Variants in PPP6R3 observed in about 807,000 individuals in gnomAD.
The protein encoded by PPP6R3 is protein phosphatase 6 regulatory subunit 3.
A neutral mutation model predicts 110.7 loss-of-function variants in PPP6R3; 38 were observed. That is an observed-to-expected ratio of 0.34 (90% CI 0.26 to 0.45). PPP6R3 has a LOEUF of 0.45. Ranked by LOEUF, PPP6R3 falls within the 20% of genes least tolerant of loss-of-function variation. The pLI is 1.00. For synonymous variants in PPP6R3, 369 were observed against 373.5 expected (o/e 0.99, Z 0.14); for missense variants, 870 against 1,062.4 (o/e 0.82, Z 2.52).
intron 18 of PPP6R3, among the ~76,000 whole-genome samples, chr11:68,594,707 T>A (rs2099608197): frequency 6.6e-6 from 1 of 152,188 alleles, no homozygotes; most frequent in Non-Finnish European, 1.5e-5. Flanking sequence ...CTTCCAGCCT[T>A]TTTTGTAGCT....
At chr11:68,563,134 CAT>C (rs2099432961) in intron 8 of PPP6R3, among the ~76,000 whole-genome samples, 1 of 148,958 alleles carries the variant, frequency 6.7e-6, no homozygotes. Flanking sequence ...GGCATGGTGA[CAT>C]GTGCCTGTAG....
chr11:68,518,612 A>C (rs952945222), intron 1 of PPP6R3, among the ~76,000 whole-genome samples: 5 of 152,164 alleles, frequency 3.3e-5, no homozygotes, highest in Non-Finnish European at 7.4e-5. Context: ...ATAGTCAAAA[A>C]CCACCTAACT....
intron 8 of PPP6R3, among the ~76,000 whole-genome samples, chr11:68,559,934 C>T (rs1276523600): frequency 7.1e-6 from 1 of 140,674 alleles, no homozygotes; most frequent in Non-Finnish European, 1.5e-5. Flanking sequence ...CCTCTTCTCA[C>T]CCCAGCGGTA....
chr11:68,567,047 G>C lies in PPP6R3; in HGVS notation c.1009G>C (p.Asp337His), dbSNP rs908176986. The stretch of plus-strand genomic sequence containing the variant: ...GATGAAGACCACATGGGGTGTGCTG[G>C]ATCCTCCTGTGGGGAATACCCGGTT... ...SVMKTTWGVL[D>H]PPVGNTRLNV... Residue 337 changes from aspartate to histidine, a missense_variant, in exon 10 of 24, where the codon GAT becomes CAT. By Grantham distance (81) the Asp-to-His change is moderately conservative. Coordinates refer to ENST00000393800, the MANE Select transcript of PPP6R3 (RefSeq NM_001164161.2). 6 of 1,551,416 alleles carry C rather than the reference G, an allele frequency of 3.9e-6. No individual in the cohort carries two copies. In the Admixed American group the frequency reaches 9.8e-5, roughly 25 times the overall value.
intron 1 of PPP6R3, among the ~76,000 whole-genome samples, chr11:68,465,572 A>T (rs2098739940): frequency 1.3e-5 from 2 of 152,232 alleles, no homozygotes; most frequent in South Asian, 4.1e-4. Flanking sequence ...GCCTGTGCCT[A>T]TGTTGAGAAC....
At chr11:68,526,799 C>T (rs1399618926) in intron 2 of PPP6R3, among the ~76,000 whole-genome samples, 1 of 152,208 alleles carries the variant, frequency 6.6e-6, no homozygotes, top group Non-Finnish European at 1.5e-5. Context: ...TATACTTGGA[C>T]TGAAGTTTTT....
At chr11:68,486,052 ACTCAAAAAGAGT>A (rs2098945076) in intron 1 of PPP6R3, among the ~76,000 whole-genome samples, 1 of 151,498 alleles carries the variant, frequency 6.6e-6, no homozygotes, top group Non-Finnish European at 1.5e-5. Context: ...ATTTTTTGAG[ACTCAAAAAGAGT>A]CTCAAAAAGA....
chr11:68,580,962 G>C (rs1185898401), intron 14 of PPP6R3, among the ~76,000 whole-genome samples: 1 of 151,880 alleles, frequency 6.6e-6, no homozygotes, highest in South Asian at 2.1e-4. Context: ...TAGTAGAGAC[G>C]GGGTTTCACC....
chr11:68,504,264 C>CT (rs886843816), intron 1 of PPP6R3, among the ~76,000 whole-genome samples: 8 of 151,910 alleles, frequency 5.3e-5, no homozygotes, highest in African/African-American at 1.9e-4. Context: ...TTGAGAGTTA[C>CT]TTTTTTTCAT....
chr11:68,476,428 G>C (rs1207756718), intron 1 of PPP6R3, among the ~76,000 whole-genome samples: 1 of 147,902 alleles, frequency 6.8e-6, no homozygotes, highest in Non-Finnish European at 1.5e-5. Flanking sequence ...GTCCAGCTTC[G>C]GCTGGGCATC....
Position 68,613,880 on chromosome 11 carries a change from T to G in PPP6R3, c.*763T>G, listed in dbSNP as rs1247264439. 1 of 985,194 alleles carries G rather than the reference T, an allele frequency of 1.0e-6. No individual in the cohort carries two copies. Among genetic ancestry groups the G allele is most frequent in the Non-Finnish European group, 1.2e-6 (1 of 829,736 alleles). The allele number at this position is 985,194 out of a possible 1,614,324, so 61.0% of individuals were successfully genotyped here. Reference sequence around the variant, plus strand: ...GAAACACTAGACTATTTGGAGTGTATATGGCTTGTGTTTTGGGATTTTTTT... The same window carrying G: ...GAAACACTAGACTATTTGGAGTGTAGATGGCTTGTGTTTTGGGATTTTTTT... On this transcript the variant is annotated 3_prime_UTR_variant, in exon 24 of 24. Coordinates refer to ENST00000393800, the MANE Select transcript of PPP6R3 (RefSeq NM_001164161.2).
intron 2 of PPP6R3, among the ~76,000 whole-genome samples, chr11:68,533,468 T>C (rs1047911648): frequency 1.3e-5 from 2 of 151,926 alleles, no homozygotes; most frequent in African/African-American, 4.8e-5. Context: ...ATCCCAGCAC[T>C]TTGAGAGGCA....
In PPP6R3 at chr11:68,478,525, G is replaced by C. The variant is rs543325336; in HGVS notation, c.-158+17698G>C. ...CTATTTGCCTTATATATCTTTTTCT[G>C]CCCTTTTACTTTCAAGCTCTTTTGT... On this transcript the variant is annotated intron_variant, in intron 1 of 23. Coordinates refer to ENST00000393800, the MANE Select transcript of PPP6R3 (RefSeq NM_001164161.2). Among the ~76,000 whole-genome samples, 130 of 151,560 alleles carry C rather than the reference G, an allele frequency of 8.6e-4. 1 individual carries two copies. The highest frequency in any genetic ancestry group is 1.6e-3 in the Non-Finnish European group (112 of 67,952).
At position 68,603,092 on chromosome 11, in the gene PPP6R3, A is replaced by T. The variant is rs113037612; in HGVS notation, c.2300-250A>T. 3.5e-3 allele frequency among the ~76,000 whole-genome samples: 525 copies of T among 152,118 alleles called. 8 individuals carry two copies. Among genetic ancestry groups the T allele is most frequent in the African/African-American group, 0.012 (502 of 41,494 alleles). ...AAGCTGGGTATGGAGGTGGACGCTG[A>T]GCTGGGAGGGATGTAGGCGACTTGC... On this transcript the variant is annotated intron_variant, in intron 21 of 23. Coordinates refer to ENST00000393800, the MANE Select transcript of PPP6R3 (RefSeq NM_001164161.2).
chr11:68,545,917 T>C (rs1392306564), intron 4 of PPP6R3, among the ~76,000 whole-genome samples: 1 of 152,134 alleles, frequency 6.6e-6, no homozygotes, highest in Non-Finnish European at 1.5e-5. Flanking sequence ...GAATTGCAAG[T>C]ATAGGTGTGA....
chr11:68,524,766 G>A (rs2099187403), intron 2 of PPP6R3, among the ~76,000 whole-genome samples: 1 of 152,130 alleles, frequency 6.6e-6, no homozygotes, highest in Non-Finnish European at 1.5e-5. Flanking sequence ...CTTCCTCTTA[G>A]CTTTGTGTTT....
intron 1 of PPP6R3, among the ~76,000 whole-genome samples, chr11:68,472,077 A>G (rs1271806120): frequency 1.3e-5 from 2 of 152,166 alleles, no homozygotes; most frequent in African/African-American, 2.4e-5. Flanking sequence ...AGCAGTCCTG[A>G]GTTGCAGTGA....
At chr11:68,575,576 C>A (rs1183743210) in intron 13 of PPP6R3, among the ~76,000 whole-genome samples, 2 of 152,138 alleles carry the variant, frequency 1.3e-5, no homozygotes, top group Non-Finnish European at 2.9e-5. Flanking sequence ...TCCCCCTACC[C>A]CCGACACGTT....
intron 8 of PPP6R3, among the ~76,000 whole-genome samples, chr11:68,563,091 C>T (rs538681528): frequency 6.8e-6 from 1 of 148,114 alleles, no homozygotes; most frequent in African/African-American, 2.5e-5. Context: ...CTTGAGAAGG[C>T]CCCATCTCTA....
Sources: allele counts gnomAD v4.1 joint callset (sites outside exome capture counted in the v4.1 genomes callset), GRCh38; gene constraint gnomAD v4.1.1; transcripts MANE v1.5; gene names NCBI Gene and HGNC (gene_info 2026-07-23, HGNC 2026-07-21).